Variants in STAG1 observed in about 807,000 individuals in gnomAD.
STAG1 encodes STAG1 cohesin complex component, also known as cohesin subunit SA-1.
STAG1 carries 26 observed loss-of-function variants against 170.9 expected under a neutral mutation model. That is an observed-to-expected ratio of 0.15 (90% CI 0.11 to 0.21). The LOEUF is 0.21. STAG1 is among the 10% of genes least tolerant of loss of function. The pLI, the probability that STAG1 is intolerant of heterozygous loss-of-function variation, is 1.00. For missense variants in STAG1, 964 were observed against 1,509.5 expected (o/e 0.64, Z 5.99); for synonymous variants, 514 against 497.7 (o/e 1.03, Z -0.44).
intron 7 of STAG1, among the ~76,000 whole-genome samples, chr3:136,517,768 C>T (rs948679460): frequency 6.6e-6 from 1 of 151,950 alleles, no homozygotes; most frequent in Non-Finnish European, 1.5e-5. Context: ...TACTATGTCC[C>T]ACTGAGATAG....
chr3:136,343,695 A>T, intron 30 of STAG1, 137 bp downstream of exon 30: 1 of 545,948 alleles, frequency 1.8e-6, no homozygotes, highest in East Asian at 3.4e-5. Context: ...CTCTTCTCAC[A>T]TGAAGTGTTT....
chr3:136,522,497 T>C (rs1466651953), intron 6 of STAG1, among the ~76,000 whole-genome samples: 2 of 152,152 alleles, frequency 1.3e-5, no homozygotes, highest in African/African-American at 4.8e-5. Flanking sequence ...GCTGCTTCTA[T>C]ATCACAAAAC....
chr3:136,467,492 C>A (rs1315662715), intron 12 of STAG1, among the ~76,000 whole-genome samples: 1 of 152,098 alleles, frequency 6.6e-6, no homozygotes, highest in Non-Finnish European at 1.5e-5. Flanking sequence ...AATACAGGAG[C>A]ACCCAGATTC....
intron 1 of STAG1, among the ~76,000 whole-genome samples, chr3:136,701,186 C>G (rs1943048733): frequency 6.6e-6 from 1 of 152,078 alleles, no homozygotes; most frequent in Non-Finnish European, 1.5e-5. Flanking sequence ...CCAGCCTGCT[C>G]TCAACTATTT....
intron 26 of STAG1, among the ~76,000 whole-genome samples, chr3:136,362,116 C>T (rs983231050): frequency 1.3e-5 from 2 of 151,584 alleles, no homozygotes; most frequent in Non-Finnish European, 2.9e-5. Context: ...CGCCACCACG[C>T]TTGGCTAATT....
chr3:136,696,825 G>A (rs1216132918), intron 1 of STAG1, among the ~76,000 whole-genome samples: 2 of 152,128 alleles, frequency 1.3e-5, no homozygotes, highest in Non-Finnish European at 2.9e-5. Context: ...GAGAAAAGCA[G>A]AACCACGAAT....
intron 1 of STAG1, among the ~76,000 whole-genome samples, chr3:136,736,292 G>A (rs1441315415): frequency 6.6e-6 from 1 of 152,184 alleles, no homozygotes; most frequent in African/African-American, 2.4e-5. Flanking sequence ...GGCAAGGAGA[G>A]GGGAAGGCCT....
At position 136,642,291 on chromosome 3, in the gene STAG1, T is replaced by C. The variant is rs1007538380; in HGVS notation, c.-83-11310A>G. The stretch of plus-strand genomic sequence containing the variant: ...TTTTTTTTTTTTTTTTTTTTTTTTT[T>C]GAGACATTCTTGCTCTGTCACCCAG... On this transcript the variant is annotated intron_variant, in intron 1 of 33. Transcript: ENST00000383202. 2.6e-3 allele frequency among the ~76,000 whole-genome samples: 262 copies of C among 102,636 alleles called. 2 individuals are homozygous for C. Among genetic ancestry groups the C allele is most frequent in the Middle Eastern group, 5.3e-3 (1 of 190 alleles). 67.3% of individuals were successfully genotyped at this position (102,636 alleles called of 152,430 possible). A position where few individuals can be genotyped will look rare whatever the true frequency, so the allele number is the denominator to read the frequency against.
chr3:136,685,229 T>C (rs1047183760), intron 1 of STAG1, among the ~76,000 whole-genome samples: 1 of 152,092 alleles, frequency 6.6e-6, no homozygotes, highest in Non-Finnish European at 1.5e-5. Context: ...GGCATGACAA[T>C]TGCTTGAACC....
intron 13 of STAG1, among the ~76,000 whole-genome samples, chr3:136,457,461 T>C (rs2089147824): frequency 6.6e-6 from 1 of 152,160 alleles, no homozygotes; most frequent in Non-Finnish European, 1.5e-5. Flanking sequence ...CATCCAAACG[T>C]CCTCACCACC....
chr3:136,514,265 A>T (rs1033404733), intron 7 of STAG1, among the ~76,000 whole-genome samples: 2 of 152,242 alleles, frequency 1.3e-5, no homozygotes, highest in Admixed American at 1.3e-4. Context: ...ATGAACAGAC[A>T]CTTCTCAAAA....
chr3:136,365,114 G>T (rs1207460225), intron 25 of STAG1, among the ~76,000 whole-genome samples: 1 of 152,162 alleles, frequency 6.6e-6, no homozygotes, highest in Non-Finnish European at 1.5e-5. Flanking sequence ...AAGTGTCCCT[G>T]AAATGCTAAG....
intron 6 of STAG1, among the ~76,000 whole-genome samples, chr3:136,526,700 C>T (rs1220170930): frequency 6.6e-6 from 1 of 152,140 alleles, no homozygotes; most frequent in African/African-American, 2.4e-5. Context: ...ATGGTCTTTA[C>T]AATTTGGCAT....
intron 1 of STAG1, among the ~76,000 whole-genome samples, chr3:136,634,097 T>C (rs1202999713): frequency 1.3e-5 from 2 of 149,246 alleles, no homozygotes; most frequent in East Asian, 4.0e-4. Flanking sequence ...GCCAAGATCG[T>C]ACCACTGCAC....
intron 1 of STAG1, among the ~76,000 whole-genome samples, chr3:136,741,534 T>C (rs149429110): frequency 1.8e-3 from 267 of 152,316 alleles, no homozygotes; most frequent in Non-Finnish European, 2.9e-3. Context: ...GATGTCGCGA[T>C]CTCAGCTCAC....
chr3:136,625,553 G>A (rs987828914), intron 2 of STAG1, among the ~76,000 whole-genome samples: 2 of 151,974 alleles, frequency 1.3e-5, no homozygotes, highest in African/African-American at 4.8e-5. Flanking sequence ...TTATGCATAC[G>A]TATGCTTTAA....
At position 136,418,645 on chromosome 3, in the gene STAG1, AT is replaced by A. The variant is rs201422799; in HGVS notation, c.2109-674del. On this transcript the variant is annotated intron_variant, in intron 20 of 33. Coordinates refer to ENST00000383202, the MANE Select transcript of STAG1 (RefSeq NM_005862.3). ...ATCCCTTTATTGTATATATAATAGT[AT>A]TTTTTTTTTTTAAAAGACAGGGTCT... Among the ~76,000 whole-genome samples the A allele has an allele frequency of 2.2e-3, 326 of 146,610 alleles. 5 individuals are homozygous for A. In the East Asian group the frequency reaches 0.03, roughly 13 times the overall value.
At chr3:136,493,204 A>G (rs1192293908) in intron 9 of STAG1, among the ~76,000 whole-genome samples, 1 of 152,024 alleles carries the variant, frequency 6.6e-6, no homozygotes, top group Non-Finnish European at 1.5e-5. Context: ...TTAACCAGGT[A>G]TGGTAGTGTG....
At chr3:136,500,940 T>C (rs1156835014) in intron 8 of STAG1, among the ~76,000 whole-genome samples, 1 of 152,232 alleles carries the variant, frequency 6.6e-6, no homozygotes, top group Admixed American at 6.5e-5. Flanking sequence ...CTGAATTACA[T>C]TCAAGGTGGT....
Sources: allele counts gnomAD v4.1 joint callset (sites outside exome capture counted in the v4.1 genomes callset), GRCh38; gene constraint gnomAD v4.1.1; transcripts MANE v1.5; gene names NCBI Gene and HGNC (gene_info 2026-07-23, HGNC 2026-07-21).